The following MIR2052HG variants were observed in gnomAD, a reference collection of about 807,000 sequenced individuals.
MIR2052HG encodes the protein MIR2052 host gene.
At chr8:74,684,536 G>A (rs551979807) in intron 2 of MIR2052HG, among the ~76,000 whole-genome samples, 1 of 152,146 alleles carries the variant, frequency 6.6e-6, no homozygotes, top group East Asian at 1.9e-4. Flanking sequence ...GATCACATGA[G>A]TAAGTGAATA....
At chr8:74,641,890 T>C (rs2128735336) in intron 2 of MIR2052HG, among the ~76,000 whole-genome samples, 1 of 152,188 alleles carries the variant, frequency 6.6e-6, no homozygotes, top group Non-Finnish European at 1.5e-5. Context: ...AATGGTGGGA[T>C]ATATTGTCTC....
At chr8:74,707,948 G>T (rs1809428062) in intron 4 of MIR2052HG, among the ~76,000 whole-genome samples, 2 of 152,196 alleles carry the variant, frequency 1.3e-5, no homozygotes, top group South Asian at 4.1e-4. Context: ...GATGCAAACA[G>T]TGAAAAGAAC....
At chr8:74,612,917 A>G in exon 2 of MIR2052HG, 1 of 456,274 alleles carries the variant, frequency 2.2e-6, no homozygotes. Context: ...AGAGCCAGAA[A>G]AGGATCCAGA....
chr8:74,641,213 T>G (rs1202681278), intron 2 of MIR2052HG, among the ~76,000 whole-genome samples: 1 of 152,192 alleles, frequency 6.6e-6, no homozygotes, highest in Non-Finnish European at 1.5e-5. Context: ...ATATTCCAAA[T>G]GCCAATTTCT....
intron 2 of MIR2052HG, among the ~76,000 whole-genome samples, chr8:74,679,920 C>A (rs1393905428): frequency 2.0e-5 from 3 of 152,118 alleles, no homozygotes; most frequent in Non-Finnish European, 2.9e-5. Flanking sequence ...TATTCACCAT[C>A]ACCTCTTCTA....
At chr8:74,640,467 CAAAAAA>C (rs35779504) in intron 2 of MIR2052HG, among the ~76,000 whole-genome samples, 1 of 83,588 alleles carries the variant, frequency 1.2e-5, no homozygotes, top group Non-Finnish European at 2.3e-5. Context: ...GACTCCGTCT[CAAAAAA>C]AAAAAAAAAA....
rs138572043 is a variant in MIR2052HG, at chr8:74,639,487, T to C, written n.216+26547T>C. Among the ~76,000 whole-genome samples the C allele has an allele frequency of 6.1e-3, 923 of 152,308 alleles. 35 individuals are homozygous for C. Among genetic ancestry groups the C allele is most frequent in the Admixed American group, 0.055 (838 of 15,288 alleles). Reference sequence around the variant, plus strand: ...AATGGGAAGATAATAGCTCAAATTATGAGGATCGCACAACTGGTCACATAG... The same window carrying C: ...AATGGGAAGATAATAGCTCAAATTACGAGGATCGCACAACTGGTCACATAG... On this transcript the variant is annotated intron_variant and non_coding_transcript_variant, in intron 2 of 6. Transcript: ENST00000523442.
intron 4 of MIR2052HG, among the ~76,000 whole-genome samples, chr8:74,709,642 C>T (rs905008592): frequency 1.3e-5 from 2 of 152,038 alleles, no homozygotes; most frequent in East Asian, 1.9e-4. Context: ...TATTTTATTG[C>T]TTAACCCAAT....
At chr8:74,710,719 T>G (rs1466431998) in intron 4 of MIR2052HG, among the ~76,000 whole-genome samples, 1 of 152,146 alleles carries the variant, frequency 6.6e-6, no homozygotes, top group African/African-American at 2.4e-5. Flanking sequence ...ATCTATCTAC[T>G]TATGGGGTTC....
intron 2 of MIR2052HG, among the ~76,000 whole-genome samples, chr8:74,680,553 T>G (rs909668741): frequency 2.6e-5 from 4 of 151,990 alleles, no homozygotes; most frequent in Non-Finnish European, 5.9e-5. Flanking sequence ...CATTAAAAAG[T>G]CAGGAAACAA....
chr8:74,631,880 G>T (rs1808515933), intron 2 of MIR2052HG, among the ~76,000 whole-genome samples: 1 of 152,116 alleles, frequency 6.6e-6, no homozygotes, highest in Non-Finnish European at 1.5e-5. Context: ...GGACAAACAT[G>T]CTCCCTTCAC....
chr8:74,635,198 A>G (rs1213077389), intron 2 of MIR2052HG, among the ~76,000 whole-genome samples: 1 of 152,052 alleles, frequency 6.6e-6, no homozygotes, highest in African/African-American at 2.4e-5. Context: ...GGTACCTATT[A>G]TGTGCAAATC....
intron 2 of MIR2052HG, among the ~76,000 whole-genome samples, chr8:74,696,139 G>T (rs571760132): frequency 6.6e-6 from 1 of 151,984 alleles, no homozygotes; most frequent in East Asian, 1.9e-4. Context: ...AGACCACAGT[G>T]GAAAAAATTT....
intron 4 of MIR2052HG, among the ~76,000 whole-genome samples, chr8:74,711,579 C>T (rs911114611): frequency 3.9e-5 from 6 of 152,072 alleles, no homozygotes; most frequent in Admixed American, 2.0e-4. Flanking sequence ...AATGCCTGCT[C>T]GGCATTTGAT....
chr8:74,724,286 T>G (rs1349623787), intron 4 of MIR2052HG, among the ~76,000 whole-genome samples: 1 of 152,216 alleles, frequency 6.6e-6, no homozygotes, highest in Non-Finnish European at 1.5e-5. Flanking sequence ...ATTTGCTTAA[T>G]GCTTTCCTTC....
chr8:74,741,498 G>A (rs1809827980), intron 4 of MIR2052HG, among the ~76,000 whole-genome samples: 1 of 152,100 alleles, frequency 6.6e-6, no homozygotes, highest in South Asian at 2.1e-4. Flanking sequence ...CTTTGTTGTT[G>A]TTGTTTGTTG....
chr8:74,746,807 G>A (rs141373802), intron 4 of MIR2052HG, among the ~76,000 whole-genome samples: 2 of 151,884 alleles, frequency 1.3e-5, no homozygotes, highest in Non-Finnish European at 2.9e-5. Flanking sequence ...GCACTGGCAG[G>A]ATTGAAAAAG....
At chr8:74,742,424 T>C (rs1809840278) in intron 4 of MIR2052HG, among the ~76,000 whole-genome samples, 1 of 152,222 alleles carries the variant, frequency 6.6e-6, no homozygotes, top group South Asian at 2.1e-4. Flanking sequence ...ACAGGTTATC[T>C]ACTTTTTTGT....
intron 2 of MIR2052HG, among the ~76,000 whole-genome samples, chr8:74,637,601 A>C (rs1477225876): frequency 1.3e-5 from 2 of 152,198 alleles, no homozygotes; most frequent in Admixed American, 1.3e-4. Flanking sequence ...CACACTTTGG[A>C]GAACTTTCAT....
Sources: allele counts gnomAD v4.1 joint callset (sites outside exome capture counted in the v4.1 genomes callset), GRCh38; gene constraint gnomAD v4.1.1; transcripts MANE v1.5; gene names NCBI Gene and HGNC (gene_info 2026-07-23, HGNC 2026-07-21).